Variants in RGS11 observed in about 807,000 individuals in gnomAD.
RGS11 encodes the protein regulator of G protein signaling 11, also known as regulator of G-protein signaling 11.
RGS11 carries 86 observed loss-of-function variants against 71.1 expected under a neutral mutation model. That is an observed-to-expected ratio of 1.21 (90% CI 1.02 to 1.45). The LOEUF is 1.45. RGS11 is among the 40% of genes most tolerant of loss of function. The pLI is 0.00. For missense variants in RGS11, 734 were observed against 635.1 expected (o/e 1.16, Z -1.67); for synonymous variants, 298 against 254.2 (o/e 1.17, Z -1.64).
At chr16:274,434 C>A in intron 4 of RGS11, 169 bp from the exon 5 acceptor site, 4 of 667,136 alleles carry the variant, frequency 6.0e-6, no homozygotes, top group Non-Finnish European at 2.6e-6. Flanking sequence ...GCCAGTCTCT[C>A]CAACTAGAAC....
At chr16:269,453 A>G in intron 16 of RGS11, 50 bp downstream of exon 16, 1 of 1,598,198 alleles carries the variant, frequency 6.3e-7, no homozygotes, top group Non-Finnish European at 8.6e-7. Context: ...GCAGGGCCCC[A>G]GCAGCCCCCA....
intron 1 of RGS11, 119 bp downstream of exon 1, chr16:275,730 A>T: frequency 5.1e-6 from 2 of 393,506 alleles, no homozygotes; most frequent in Non-Finnish European, 8.0e-6. Flanking sequence ...CCGGCCTCGC[A>T]GACCTCCGCC....
intron 16 of RGS11, 49 bp from the exon 17 acceptor site, chr16:269,432 C>G: frequency 6.3e-7 from 1 of 1,589,820 alleles, no homozygotes; most frequent in East Asian, 2.2e-5. Context: ...TGGTGTCCTG[C>G]CCACCTCACT....
chr16:272,880 C>T lies in RGS11; in HGVS notation c.640G>A (p.Ala214Thr), dbSNP rs1389226951. Reference protein sequence around the residue: ...EQGPGRGSCAASRVLMTKSAD... With the variant: ...EQGPGRGSCATSRVLMTKSAD... ...GGGCTCACCATGAGCACACGGCTGGCAGCGCAGGATCCCCGCCCTGGACCC... is the reference window on the plus strand; with the variant it reads ...GGGCTCACCATGAGCACACGGCTGGTAGCGCAGGATCCCCGCCCTGGACCC... Residue 214 changes from alanine (A) to threonine (T), a missense_variant, in exon 9 of 17, where the codon GCC becomes ACC. Transcript: ENST00000397770. 1.9e-6 allele frequency: 3 copies of T among 1,540,010 alleles called. No individual in the cohort carries two copies. The highest frequency in any genetic ancestry group is 4.9e-5 in the East Asian group (2 of 40,794).
chr16:268,902 G>T lies in RGS11; in HGVS notation c.*367C>A, dbSNP rs751213654. ...CTGTGCATCTTGCTTCCGGGTATTC[G>T]CTGGCTGATTTACTGGTTTTAGAGA... On this transcript the variant is annotated 3_prime_UTR_variant, in exon 17 of 17. Coordinates refer to ENST00000397770, the MANE Select transcript of RGS11 (RefSeq NM_183337.3). 1 of 1,550,524 alleles carries T rather than the reference G, an allele frequency of 6.4e-7. No individual in the cohort carries two copies. Among genetic ancestry groups the T allele is most frequent in the East Asian group, 2.4e-5 (1 of 40,916 alleles).
In RGS11 at chr16:271,201, C is replaced by G; in HGVS notation, c.863+1G>C. 1.1e-5 allele frequency: 18 copies of G among 1,611,964 alleles called. No homozygotes were observed. Among genetic ancestry groups the G allele is most frequent in the Non-Finnish European group, 1.4e-5 (16 of 1,179,250 alleles). ...AGTCCCGCTGCCCCGCCTGGGCTCA[C>G]GTGGGGGCATTCATGACCCAGTAGG... On this transcript the variant is annotated splice_donor_variant, in intron 12 of 16. Coordinates refer to ENST00000397770, the MANE Select transcript of RGS11 (RefSeq NM_183337.3). LOFTEE classifies it high-confidence loss of function.
intron 8 of RGS11, 65 bp from the exon 9 acceptor site, chr16:272,996 G>T: frequency 7.2e-7 from 1 of 1,380,814 alleles, no homozygotes. Context: ...TTAAGGCTAA[G>T]TTCCCCCTCC....
chr16:269,190 G>A lies in RGS11; in HGVS notation c.*79C>T. 1 of 1,141,388 alleles carries A rather than the reference G, an allele frequency of 8.8e-7. No individual in the cohort carries two copies. The highest frequency in any genetic ancestry group is 1.3e-6 in the Non-Finnish European group (1 of 775,550). 70.7% of individuals were successfully genotyped at this position (1,141,388 alleles called of 1,614,324 possible). A position where few individuals can be genotyped will look rare whatever the true frequency, so the allele number is the denominator to read the frequency against. On this transcript the variant is annotated 3_prime_UTR_variant, in exon 17 of 17. Coordinates refer to ENST00000397770, the MANE Select transcript of RGS11 (RefSeq NM_183337.3). ...CTGGGTTCAGCAGCCCCCAGGACCT[G>A]GGCCAAGACGGGGGTGGCTGCTGCA...
At position 268,761 on chromosome 16, in the gene RGS11, T is replaced by C. The variant is rs1220513626; in HGVS notation, c.*508A>G. On this transcript the variant is annotated 3_prime_UTR_variant, in exon 17 of 17. Transcript: ENST00000397770. ...AGGCAGCCTCAGCACGGCACTCTCT[T>C]GGGTCCTCTTCCAGGCTCACACTGG... 1.3e-6 allele frequency: 2 copies of C among 1,548,916 alleles called. No homozygotes were observed. Among genetic ancestry groups the C allele is most frequent in the South Asian group, 1.2e-5 (1 of 84,052 alleles).
chr16:275,886 GGGGGCGGCGC>G lies in RGS11; in HGVS notation c.16_25del (p.Ala6ProfsTer11). On this transcript the variant is annotated frameshift_variant, in exon 1 of 17. Transcript: ENST00000397770. LOFTEE classifies it high-confidence loss of function. The stretch of plus-strand genomic sequence containing the variant: ...CGGCATCTGCGCCCGGGGGCGGCCG[GGGGGCGGCGC>G]GGGGCCGGCGGCCATGGCTGCGGGG... 2.1e-6 allele frequency: 2 copies of G among 948,912 alleles called. No individual in the cohort carries two copies. Among genetic ancestry groups the G allele is most frequent in the African/African-American group, 1.8e-5 (1 of 56,312 alleles). 58.8% of individuals were successfully genotyped at this position (948,912 alleles called of 1,614,324 possible).
chr16:269,405 A>C (rs1176541303), intron 16 of RGS11, 22 bp from the exon 17 acceptor site: 5 of 1,594,528 alleles, frequency 3.1e-6, no homozygotes, highest in Non-Finnish European at 4.3e-6. Context: ...AAGGCGGCTG[A>C]GAACAGGCTG....
chr16:271,102 G>A lies in RGS11; in HGVS notation c.864-3C>T. On this transcript the variant is annotated splice_region_variant and splice_polypyrimidine_tract_variant and intron_variant, in intron 12 of 16. Coordinates refer to ENST00000397770, the MANE Select transcript of RGS11 (RefSeq NM_183337.3). ...GGAGCTTCGTGGGGGCAGCCACCCTGGGGAGAGGGCAGGGCTGTTGGGGAG... is the reference window on the plus strand; with the variant it reads ...GGAGCTTCGTGGGGGCAGCCACCCTAGGGAGAGGGCAGGGCTGTTGGGGAG... The A allele has an allele frequency of 6.2e-7, 1 of 1,610,998 alleles. No homozygotes were observed. Among genetic ancestry groups the A allele is most frequent in the Non-Finnish European group, 8.5e-7 (1 of 1,178,986 alleles).
rs1007497433 is a variant in RGS11 at position 272,197 on chromosome 16, T to C, written c.658-628A>G. On this transcript the variant is annotated intron_variant, in intron 9 of 16. Coordinates refer to ENST00000397770, the MANE Select transcript of RGS11 (RefSeq NM_183337.3). ...TTTTAAACAACACATACTTGAGAAA[T>C]ACTACTAATGGGGATCACTGGGGAA... The C allele has an allele frequency of 1.8e-5, 21 of 1,167,156 alleles. 1 individual carries two copies. The highest frequency in any genetic ancestry group is 5.1e-4 in the Middle Eastern group (2 of 3,934). The allele number at this position is 1,167,156 out of a possible 1,614,324, so 72.3% of individuals were successfully genotyped here.
In RGS11 at chr16:271,458, G is replaced by T; in HGVS notation, c.690C>A (p.Ile230=). The change falls in exon 11 of 17, where the codon ATC becomes ATA. Residue 230 remains isoleucine (I), a splice_region_variant and synonymous_variant. Coordinates refer to ENST00000397770, the MANE Select transcript of RGS11 (RefSeq NM_183337.3). The part of the protein sequence containing the change: ...TKSADFHKRE[I]EYFRKALGRT... ...TGCCCAGCGCTTTCCTGAAGTACTCGATCTAGGATGTGGGGCCTGTGAGTC... is the reference window on the plus strand; with the variant it reads ...TGCCCAGCGCTTTCCTGAAGTACTCTATCTAGGATGTGGGGCCTGTGAGTC... 6.2e-7 allele frequency: 1 copy of T among 1,613,832 alleles called. No individual in the cohort carries two copies. The highest frequency in any genetic ancestry group is 1.3e-5 in the African/African-American group (1 of 75,048).
At chr16:274,644 C>A (rs1472448999) in intron 4 of RGS11, 1 of 649,290 alleles carries the variant, frequency 1.5e-6, no homozygotes, top group Non-Finnish European at 2.8e-6. Flanking sequence ...GAATGCTGTC[C>A]TCAGGCCTTC....
Position 271,419 on chromosome 16 carries a change from C to T in RGS11, c.729G>A (p.Lys243=). Residue 243 remains lysine (K), a synonymous_variant, in exon 11 of 17, where the codon AAG becomes AAA. Transcript: ENST00000397770. ...FRKALGRTRV[K]SSVCLEAYLS... The stretch of plus-strand genomic sequence containing the variant: ...CTCACGCCTCAAGGCAGACGGAGGA[C>T]TTCACTCGGGTCCTGCCCAGCGCTT... 6.2e-7 allele frequency: 1 copy of T among 1,613,758 alleles called. No individual in the cohort carries two copies.
rs1435987581 is a variant in RGS11, at chr16:275,039, G to C, written c.255C>G (p.Ile85Met). 18 of 1,501,228 alleles carry C rather than the reference G, an allele frequency of 1.2e-5. No individual in the cohort carries two copies. Among genetic ancestry groups the C allele is most frequent in the Non-Finnish European group, 1.6e-5 (18 of 1,122,318 alleles). The allele number at this position is 1,501,228 out of a possible 1,614,324, so 93.0% of individuals were successfully genotyped here. Residue 85 changes from isoleucine (I) to methionine (M), a missense_variant, in exon 4 of 17, where the codon ATC becomes ATG. By Grantham distance (10) the Ile-to-Met change is conservative (BLOSUM62 1). Coordinates refer to ENST00000397770, the MANE Select transcript of RGS11 (RefSeq NM_183337.3). ...LGAVLVQHGYIYPLRDPRSLM... is the reference protein window; with the variant it reads ...LGAVLVQHGYMYPLRDPRSLM... ...GGCTACGGGGGTCGCGCAGCGGGTA[G>C]ATGTAGCCATGCTGCACCAGGACGG...
chr16:269,846 C>T (rs2051839215), intron 15 of RGS11: 1 of 438,380 alleles, frequency 2.3e-6, no homozygotes, highest in Admixed American at 3.9e-5. Flanking sequence ...AACCGCGGCA[C>T]CTCCTCAGCC....
chr16:269,500 C>A lies in RGS11; in HGVS notation c.1289+3G>T, dbSNP rs1380211256. 1.2e-6 allele frequency: 2 copies of A among 1,612,802 alleles called. No homozygotes were observed. The highest frequency in any genetic ancestry group is 2.7e-5 in the African/African-American group (2 of 74,944). On this transcript the variant is annotated splice_donor_region_variant and intron_variant, in intron 16 of 16. Transcript: ENST00000397770. ...CCGGCCACAGGGCACTGCCTGGGCT[C>A]ACCGTCTCTTCATCTCCAGCGGGAT...
Sources: gnomAD v4.1 joint callset for allele counts on GRCh38, gnomAD v4.1.1 for gene constraint, MANE v1.5 for transcripts, NCBI Gene and HGNC (gene_info 2026-07-23, HGNC 2026-07-21) for gene names.